Variants in TM4SF1 observed in about 807,000 individuals in gnomAD.
The protein encoded by TM4SF1 is transmembrane 4 L6 family member 1.
In TM4SF1, 20 loss-of-function variants were observed where a neutral mutation model predicts 24.5. The observed-to-expected ratio is 0.82, with a 90% CI of 0.57 to 1.19. The LOEUF (loss-of-function observed/expected upper bound fraction) is 1.19, where lower values mean the gene tolerates loss of function less well. Ranked by LOEUF, TM4SF1 falls within the 50% of genes most tolerant of loss-of-function variation. The pLI is 0.00. For synonymous variants in TM4SF1, 107 were observed against 95.4 expected, an observed-to-expected ratio of 1.12 and a Z score of -0.71; for missense variants, 258 against 248.1, an observed-to-expected ratio of 1.04 and a Z score of -0.27.
intron 4 of TM4SF1, chr3:149,371,328 A>G: frequency 2.3e-6 from 1 of 440,134 alleles, no homozygotes; most frequent in South Asian, 3.0e-5. Context: ...GCTATTACTT[A>G]TGTATACTAG....
At chr3:149,371,619 C>G (rs774812360) in intron 4 of TM4SF1, 68 bp downstream of exon 4, 2 of 1,579,030 alleles carry the variant, frequency 1.3e-6, no homozygotes, top group Non-Finnish European at 1.7e-6. Context: ...TTGCCTTTTT[C>G]TTTATGATGA....
chr3:149,377,645 C>T lies in TM4SF1; in HGVS notation c.-98G>A, dbSNP rs1452721562. On this transcript the variant is annotated 5_prime_UTR_variant, in exon 1 of 5. In the 5' UTR this introduces an upstream ATG that the reference lacks. Coordinates refer to ENST00000305366, the MANE Select transcript of TM4SF1 (RefSeq NM_014220.3). Reference sequence around the variant, plus strand: ...GCCCTTCTGGTGGAGAAAGCAAACACCACTCTCAGCCCATTCCTGCTACCT... The same window carrying T: ...GCCCTTCTGGTGGAGAAAGCAAACATCACTCTCAGCCCATTCCTGCTACCT... The T allele has an allele frequency of 4.0e-6, 6 of 1,509,980 alleles. No individual in the cohort carries two copies. Among genetic ancestry groups the T allele is most frequent in the Non-Finnish European group, 3.5e-6 (4 of 1,131,218 alleles). The allele number at this position is 1,509,980 out of a possible 1,614,324, so 93.5% of individuals were successfully genotyped here. A position where few individuals can be genotyped will look rare whatever the true frequency, so the allele number is the denominator to read the frequency against.
chr3:149,371,281 A>G, intron 4 of TM4SF1: 2 of 252,542 alleles, frequency 7.9e-6, no homozygotes, highest in East Asian at 9.0e-5. Flanking sequence ...TTTGAGTCAT[A>G]TGGGTTTAGC....
chr3:149,371,769 C>A lies in TM4SF1; in HGVS notation c.512G>T (p.Gly171Val). ...SLFSILLALGGIEFILCLIQV... is the reference protein window; with the variant it reads ...SLFSILLALGVIEFILCLIQV... ...AATAAGACACAAGATGAATTCAATT[C>A]CACCAAGAGCCAAGAGGATAGAAAA... The change falls in exon 4 of 5, where the codon GGA becomes GTA. Residue 171 changes from glycine (G) to valine (V), a missense_variant. Physicochemically the swap from Gly to Val is moderately radical, Grantham distance 109 (BLOSUM62 -3). Transcript: ENST00000305366. 3.7e-6 allele frequency: 6 copies of A among 1,614,114 alleles called. No homozygotes were observed. Among genetic ancestry groups the A allele is most frequent in the Non-Finnish European group, 5.1e-6 (6 of 1,180,004 alleles).
intron 4 of TM4SF1, 171 bp from the exon 5 acceptor site, chr3:149,370,051 C>G: frequency 1.4e-6 from 1 of 728,286 alleles, no homozygotes; most frequent in Non-Finnish European, 2.1e-6. Flanking sequence ...GTTTCCTAAA[C>G]AAACCCAGAT....
At chr3:149,375,930 G>T (rs1290626956) in intron 1 of TM4SF1, among the ~76,000 whole-genome samples, 161 bp from the exon 2 acceptor site, 1 of 152,200 alleles carries the variant, frequency 6.6e-6, no homozygotes, top group Non-Finnish European at 1.5e-5. Flanking sequence ...AGGAGAAAAA[G>T]ACCATTTAAA....
rs569735823 is a variant in TM4SF1 at position 149,370,612 on chromosome 3, A to C, written c.595-732T>G. ...TGCCCTTCCCCAACCGTACTGCTTG[A>C]AAGAAGCTCCATATTGAAGGTTTCC... is the stretch of plus-strand genomic sequence containing the variant. On this transcript the variant is annotated intron_variant, in intron 4 of 4. Coordinates refer to ENST00000305366, the MANE Select transcript of TM4SF1 (RefSeq NM_014220.3). 2.6e-5 allele frequency: 4 copies of C among 152,330 alleles called. No homozygotes were observed. In the East Asian group the frequency reaches 7.7e-4, roughly 29 times the overall value. The allele number at this position is 152,330 out of a possible 1,614,324, so 9.4% of individuals were successfully genotyped here.
chr3:149,371,960 A>G, intron 3 of TM4SF1, 93 bp from the exon 4 acceptor site: 1 of 1,239,086 alleles, frequency 8.1e-7, no homozygotes, highest in South Asian at 1.4e-5. Flanking sequence ...ATTCAGAAAA[A>G]AGGAATGAAT....
In TM4SF1 at chr3:149,377,567, T is replaced by C; in HGVS notation, c.-20A>G. 1 of 1,599,370 alleles carries C rather than the reference T, an allele frequency of 6.3e-7. No homozygotes were observed. Among genetic ancestry groups the C allele is most frequent in the South Asian group, 1.1e-5 (1 of 89,218 alleles). On this transcript the variant is annotated 5_prime_UTR_variant, in exon 1 of 5. Transcript: ENST00000305366. ...GCACATGGTGGTCTGCTAGGTTTTC[T>C]CCCCCTTCTCTTTGTCTTCAGCTCA...
chr3:149,374,972 C>A (rs561817385), intron 3 of TM4SF1, among the ~76,000 whole-genome samples: 1 of 152,170 alleles, frequency 6.6e-6, no homozygotes, highest in Non-Finnish European at 1.5e-5. Flanking sequence ...TTTCTGGCAA[C>A]GTGACCTTGG....
At chr3:149,376,068 T>TAACA (rs1731944671) in intron 1 of TM4SF1, among the ~76,000 whole-genome samples, 1 of 152,328 alleles carries the variant, frequency 6.6e-6, no homozygotes, top group Non-Finnish European at 1.5e-5. Flanking sequence ...CGACCCCAGA[T>TAACA]AACAAACTCT....
At chr3:149,373,343 T>C (rs1254841194) in intron 3 of TM4SF1, among the ~76,000 whole-genome samples, 1 of 152,236 alleles carries the variant, frequency 6.6e-6, no homozygotes, top group East Asian at 1.9e-4. Flanking sequence ...ATTCTACTTC[T>C]GATAGCTCTC....
In TM4SF1 at chr3:149,369,781, CA is replaced by C; in HGVS notation, c.*84del. ...CTGTGGGGAGTATGTTACACTAATACAAAGTTTTACAAATGAATACAAGTGA... is the reference window on the plus strand; with the variant it reads ...CTGTGGGGAGTATGTTACACTAATACAAGTTTTACAAATGAATACAAGTGA... On this transcript the variant is annotated 3_prime_UTR_variant, in exon 5 of 5. Transcript: ENST00000305366. 1 of 1,572,050 alleles carries C rather than the reference CA, an allele frequency of 6.4e-7. No individual in the cohort carries two copies. The highest frequency in any genetic ancestry group is 8.7e-7 in the Non-Finnish European group (1 of 1,151,012).
At chr3:149,370,733 C>A (rs1036963601) in intron 4 of TM4SF1, 3 of 152,126 alleles carry the variant, frequency 2.0e-5, no homozygotes, top group African/African-American at 7.2e-5. Context: ...AACCTTCCCC[C>A]AAAATTACAG....
intron 1 of TM4SF1, among the ~76,000 whole-genome samples, chr3:149,376,302 T>C (rs1731951401): frequency 2.0e-5 from 3 of 152,174 alleles, no homozygotes. Flanking sequence ...ATACTTCAGG[T>C]TCAAGATCGA....
chr3:149,375,163 C>A (rs1731917377), intron 3 of TM4SF1, among the ~76,000 whole-genome samples: 1 of 152,082 alleles, frequency 6.6e-6, no homozygotes, highest in African/African-American at 2.4e-5. Context: ...TATGATTGTG[C>A]CACTGCATTC....
In TM4SF1 at chr3:149,375,786, CA is replaced by C; in HGVS notation, c.178-18del. The C allele has an allele frequency of 6.2e-7, 1 of 1,612,942 alleles. No homozygotes were observed. ...CAGGAGCATCTGGTTAGGAAACAAA[CA>C]AAGTCAGGTCATTGTCTTGCTCAGG... On this transcript the variant is annotated intron_variant, in intron 1 of 4. Coordinates refer to ENST00000305366, the MANE Select transcript of TM4SF1 (RefSeq NM_014220.3).
Position 149,371,902 on chromosome 3 carries a change from C to A in TM4SF1, c.414-35G>T. 1.9e-6 allele frequency: 3 copies of A among 1,604,130 alleles called. No individual in the cohort carries two copies. The South Asian group carries it at 3.3e-5, about 18-fold the overall frequency. ...AAAAGAGAAACTTCTGACACACGGT[C>A]ATACTTGAGGGGATACTTCATAAAC... On this transcript the variant is annotated intron_variant, in intron 3 of 4. Coordinates refer to ENST00000305366, the MANE Select transcript of TM4SF1 (RefSeq NM_014220.3).
intron 3 of TM4SF1, among the ~76,000 whole-genome samples, chr3:149,372,194 G>T (rs746075989): frequency 3.9e-5 from 6 of 152,154 alleles, no homozygotes; most frequent in Non-Finnish European, 7.4e-5. Flanking sequence ...AACTGTATTT[G>T]TGCTGTGTTT....
Sources: gnomAD v4.1 joint callset for allele counts (sites outside exome capture counted in the v4.1 genomes callset) on GRCh38, gnomAD v4.1.1 for gene constraint, MANE v1.5 for transcripts, NCBI Gene and HGNC (gene_info 2026-07-23, HGNC 2026-07-21) for gene names.